The following VWA3A variants were observed in gnomAD, a reference collection of about 807,000 sequenced individuals.
VWA3A encodes von Willebrand factor A domain containing 3A, also known as von Willebrand factor A domain-containing protein 3A.
In VWA3A, 134 loss-of-function variants were observed where a neutral mutation model predicts 160.4. The ratio of observed to expected loss-of-function variants is 0.84; its 90% CI spans 0.73 to 0.96. The LOEUF (loss-of-function observed/expected upper bound fraction) is 0.96, where lower values mean the gene tolerates loss of function less well. Ranked by LOEUF, VWA3A falls within the 40% of genes least tolerant of loss-of-function variation. VWA3A has a pLI of 0.00. For missense variants in VWA3A, 1,310 were observed against 1,447.9 expected, an observed-to-expected ratio of 0.90 and a Z score of 1.55; for synonymous variants, 476 against 543.4, an observed-to-expected ratio of 0.88 and a Z score of 1.72.
intron 21 of VWA3A, among the ~76,000 whole-genome samples, chr16:22,136,828 C>G (rs976571480): frequency 6.6e-6 from 1 of 151,442 alleles, no homozygotes; most frequent in East Asian, 1.9e-4. Context: ...GTCAGGAGAT[C>G]GAGACCATCC....
chr16:22,141,697 G>C lies in VWA3A; in HGVS notation c.2494+5G>C, dbSNP rs1242092271. 3.7e-6 allele frequency: 6 copies of C among 1,603,330 alleles called. No individual in the cohort carries two copies. The highest frequency in any genetic ancestry group is 5.1e-6 in the Non-Finnish European group (6 of 1,174,958). On this transcript the variant is annotated splice_donor_5th_base_variant and intron_variant, in intron 24 of 33. Coordinates refer to ENST00000389398, the MANE Select transcript of VWA3A (RefSeq NM_173615.5). ...CAGAGAAAGGGAATGACGTGGGTAA[G>C]TTAGAGGCTATACAGGTGTCTGGAC... is the stretch of plus-strand genomic sequence containing the variant.
Position 22,100,407 on chromosome 16 carries a change from C to T in VWA3A, c.351-9C>T, listed in dbSNP as rs1174283756. The T allele has an allele frequency of 6.4e-7, 1 of 1,551,654 alleles. No individual in the cohort carries two copies. Among genetic ancestry groups the T allele is most frequent in the South Asian group, 1.2e-5 (1 of 84,060 alleles). ...CGAGAGATCCCCTCATAAGGCTTTG[C>T]TTCTTCAGGGAGGAGGGCACCAATG... On this transcript the variant is annotated splice_polypyrimidine_tract_variant and intron_variant, in intron 4 of 33. Transcript: ENST00000389398.
intron 3 of VWA3A, 75 bp from the exon 4 acceptor site, chr16:22,100,119 G>A: frequency 6.9e-7 from 1 of 1,459,040 alleles, no homozygotes; most frequent in Non-Finnish European, 9.0e-7. Context: ...GCGCCCGTTG[G>A]GTATCTGTGT....
In VWA3A at chr16:22,096,913, T is replaced by C; in HGVS notation, c.69T>C (p.His23=). The change falls in exon 2 of 34, where the codon CAT becomes CAC. Residue 23 remains histidine, a synonymous_variant. Coordinates refer to ENST00000389398, the MANE Select transcript of VWA3A (RefSeq NM_173615.5). The part of the protein sequence containing the change: ...AMATQTSHVF[H]GQENMFLENH... ...CTACACAAACTAGTCATGTCTTCCA[T>C]GGTCAAGAAAATATGTTTCTGGAAA... 1.3e-6 allele frequency: 2 copies of C among 1,549,762 alleles called. No individual in the cohort carries two copies. The highest frequency in any genetic ancestry group is 1.2e-5 in the South Asian group (1 of 83,966).
chr16:22,121,694 C>T, intron 14 of VWA3A, 77 bp downstream of exon 14: 1 of 1,183,332 alleles, frequency 8.5e-7, no homozygotes, highest in Non-Finnish European at 1.2e-6. Flanking sequence ...CATAAATGTT[C>T]TGGCAGTAAG....
chr16:22,151,117 TA>T (rs1470766976), intron 30 of VWA3A, among the ~76,000 whole-genome samples: 1 of 151,984 alleles, frequency 6.6e-6, no homozygotes, highest in East Asian at 1.9e-4. Context: ...CTGTCTCTAC[TA>T]AAAATACAAA....
intron 19 of VWA3A, 116 bp downstream of exon 19, chr16:22,131,845 C>T: frequency 7.2e-7 from 1 of 1,384,392 alleles, no homozygotes; most frequent in Non-Finnish European, 9.7e-7. Flanking sequence ...GCTTCTCAAA[C>T]TTTAATGTAT....
At position 22,148,018 on chromosome 16, in the gene VWA3A, C is replaced by T. The variant is rs1449406321; in HGVS notation, c.2840-144C>T. The T allele has an allele frequency of 5.5e-6, 6 of 1,095,968 alleles. No individual in the cohort carries two copies. In the East Asian group the frequency reaches 1.3e-4, roughly 24 times the overall value. 67.9% of individuals were successfully genotyped at this position (1,095,968 alleles called of 1,614,324 possible). On this transcript the variant is annotated intron_variant, in intron 27 of 33. Transcript: ENST00000389398. ...TCCCACAGCACCACAAAAGCCGTCT[C>T]TCAGTGGGGTGACATCCAATCAATG... is the stretch of plus-strand genomic sequence containing the variant.
chr16:22,123,139 G>C lies in VWA3A; in HGVS notation c.1411G>C (p.Asp471His). The change falls in exon 15 of 34, where the codon GAC (aspartate) becomes CAC (histidine). Residue 471 changes from aspartate (D) to histidine (H), a missense_variant. Coordinates refer to ENST00000389398, the MANE Select transcript of VWA3A (RefSeq NM_173615.5). The stretch of plus-strand genomic sequence containing the variant: ...CGGGACAGTGAAGAACATTCATGTG[G>C]ACCCACCCTTCCTCTATAAGTACCA... The part of the protein sequence containing the change: ...HDGTVKNIHV[D>H]PPFLYKYQQQ... The C allele has an allele frequency of 1.2e-6, 2 of 1,605,400 alleles. No homozygotes were observed. Among genetic ancestry groups the C allele is most frequent in the Non-Finnish European group, 1.7e-6 (2 of 1,175,808 alleles).
intron 9 of VWA3A, among the ~76,000 whole-genome samples, chr16:22,115,867 A>AAGGAAGGAAGGC (rs2045623988): frequency 8.5e-5 from 1 of 11,718 alleles, no homozygotes; most frequent in Non-Finnish European, 1.4e-4. Flanking sequence ...GGAAGGAAGG[A>AAGGAAGGAAGGC]AGGAAGGAAG....
intron 21 of VWA3A, among the ~76,000 whole-genome samples, chr16:22,135,566 ACT>A (rs1358334390): frequency 6.6e-6 from 1 of 152,052 alleles, no homozygotes; most frequent in Non-Finnish European, 1.5e-5. Context: ...GTCCTAATCC[ACT>A]GAGACCCAAG....
At chr16:22,109,808 G>A (rs1023814081) in intron 7 of VWA3A, among the ~76,000 whole-genome samples, 2 of 152,166 alleles carry the variant, frequency 1.3e-5, no homozygotes, top group African/African-American at 2.4e-5. Flanking sequence ...TTCTCACCAC[G>A]ACAGTACCTG....
chr16:22,144,184 T>C lies in VWA3A; in HGVS notation c.2593-63T>C, dbSNP rs552499697. On this transcript the variant is annotated intron_variant, in intron 25 of 33. Transcript: ENST00000389398. ...CAAACATGAGGTTCTCATAGACCAG[T>C]CAGATGATCATTCAGTTGAGTCTGA... 6 of 1,525,170 alleles carry C rather than the reference T, an allele frequency of 3.9e-6. No homozygotes were observed. The East Asian group carries it at 1.2e-4, about 30-fold the overall frequency. 94.5% of individuals were successfully genotyped at this position (1,525,170 alleles called of 1,614,324 possible). A position where few individuals can be genotyped will look rare whatever the true frequency, so the allele number is the denominator to read the frequency against.
chr16:22,152,274 A>C (rs1051783019), intron 30 of VWA3A, among the ~76,000 whole-genome samples: 1 of 152,074 alleles, frequency 6.6e-6, no homozygotes, highest in Non-Finnish European at 1.5e-5. Context: ...TCCAGGCTAA[A>C]TGGTGACACT....
intron 1 of VWA3A, 129 bp downstream of exon 1, chr16:22,092,780 G>A (rs912030854): frequency 1.0e-5 from 12 of 1,203,038 alleles, no homozygotes; most frequent in African/African-American, 3.1e-5. Flanking sequence ...CCTACATGCC[G>A]AGCATTGGGC....
chr16:22,132,274 T>A (rs919553164), intron 19 of VWA3A, among the ~76,000 whole-genome samples: 6 of 151,628 alleles, frequency 4.0e-5, no homozygotes, highest in African/African-American at 1.5e-4. Context: ...TCCCAGCTAC[T>A]CGGGAGGCTG....
rs1211577902 is a variant in VWA3A, at chr16:22,152,572, G to A, written c.3343G>A (p.Val1115Met). Reference sequence around the variant, plus strand: ...CACCGGCGGACGCTATCACTGCCCTGTGGGTGAGGACACACTCTCCAAAAT... The same window carrying A: ...CACCGGCGGACGCTATCACTGCCCTATGGGTGAGGACACACTCTCCAAAAT... ...SFTGGRYHCP[V>M]GEDTLSKIHS... The change falls in exon 31 of 34, where the codon GTG becomes ATG. Residue 1115 changes from valine (V) to methionine (M), a missense_variant. Val to Met is a conservative substitution (Grantham distance 21, BLOSUM62 1). Transcript: ENST00000389398. 2 of 1,612,186 alleles carry A rather than the reference G, an allele frequency of 1.2e-6. No individual in the cohort carries two copies. The highest frequency in any genetic ancestry group is 1.7e-4 in the Middle Eastern group (1 of 6,050).
At chr16:22,117,257 G>T in intron 11 of VWA3A, 81 bp downstream of exon 11, 1 of 1,416,230 alleles carries the variant, frequency 7.1e-7, no homozygotes, top group East Asian at 2.5e-5. Flanking sequence ...ATCTGGGCCA[G>T]GACCATACTA....
intron 6 of VWA3A, among the ~76,000 whole-genome samples, chr16:22,108,231 TC>T (rs1483480459): frequency 6.6e-6 from 1 of 152,022 alleles, no homozygotes. Flanking sequence ...TACTGAGAGA[TC>T]TATATCTTTT....
Sources: allele counts gnomAD v4.1 joint callset (sites outside exome capture counted in the v4.1 genomes callset), GRCh38; gene constraint gnomAD v4.1.1; transcripts MANE v1.5; gene names NCBI Gene and HGNC (gene_info 2026-07-23, HGNC 2026-07-21).